The following GRID1 variants were observed in gnomAD, a reference collection of about 807,000 sequenced individuals.
GRID1 encodes the protein glutamate receptor ionotropic, delta-1.
GRID1 carries 28 observed loss-of-function variants against 98.0 expected under a neutral mutation model. The ratio of observed to expected loss-of-function variants is 0.29; its 90% CI spans 0.21 to 0.39. GRID1 has a LOEUF of 0.39. GRID1 is among the 10% of genes least tolerant of loss of function. The pLI, the probability that GRID1 is intolerant of heterozygous loss-of-function variation, is 1.00. For missense variants in GRID1, 1,111 were observed against 1,340.5 expected (o/e 0.83, Z 2.67); for synonymous variants, 553 against 538.5 (o/e 1.03, Z -0.37).
At position 85,727,952 on chromosome 10, in the gene GRID1, C is replaced by T. The variant is rs1363163817; in HGVS notation, c.1436G>A (p.Gly479Asp). ...DVLDALAKALGFKYEIYQAPD... is the reference protein window; with the variant it reads ...DVLDALAKALDFKYEIYQAPD... ...GGCTTGGTAAATCTCATATTTAAAG[C>T]CCAGAGCCTTGGCCAGTGCATCCAG... Residue 479 changes from glycine (G) to aspartate (D), a missense_variant, in exon 10 of 16, where the codon GGC becomes GAC. Gly to Asp is a moderately conservative substitution (Grantham distance 94, BLOSUM62 -1). Transcript: ENST00000327946. 6.2e-6 allele frequency: 10 copies of T among 1,613,676 alleles called. No homozygotes were observed. The highest frequency in any genetic ancestry group is 8.5e-6 in the Non-Finnish European group (10 of 1,179,738).
chr10:86,335,114 C>T (rs1290514291), intron 2 of GRID1, among the ~76,000 whole-genome samples: 3 of 152,244 alleles, frequency 2.0e-5, no homozygotes, highest in Non-Finnish European at 2.9e-5. Flanking sequence ...CTCACTTAGA[C>T]TTTCATTGCT....
intron 2 of GRID1, among the ~76,000 whole-genome samples, chr10:86,325,680 A>G (rs989398496): frequency 2.0e-5 from 3 of 152,226 alleles, no homozygotes; most frequent in African/African-American, 7.2e-5. Flanking sequence ...GAAATTTCAA[A>G]CTATTCAGAA....
chr10:86,191,144 C>G (rs1033898139), intron 3 of GRID1, among the ~76,000 whole-genome samples: 2 of 152,190 alleles, frequency 1.3e-5, no homozygotes, highest in Non-Finnish European at 2.9e-5. Flanking sequence ...GCTTTTCACC[C>G]TGGAGGAGCT....
Position 86,192,053 on chromosome 10 carries a change from AG to A in GRID1, c.520+14310del, listed in dbSNP as rs1018557186. Among the ~76,000 whole-genome samples, 33 of 152,278 alleles carry A rather than the reference AG, an allele frequency of 2.2e-4. No homozygotes were observed. The highest frequency in any genetic ancestry group is 7.9e-4 in the African/African-American group (33 of 41,550). Reference sequence around the variant, plus strand: ...GGGGGAGACATTCAGGGGTCTAAGCAGGGCAGTGAGTTAAGGAAGGTGACTT... The same window carrying A: ...GGGGGAGACATTCAGGGGTCTAAGCAGGCAGTGAGTTAAGGAAGGTGACTT... On this transcript the variant is annotated intron_variant, in intron 3 of 15. Transcript: ENST00000327946. The surrounding 1 kb of genome is among the most constrained non-coding windows in gnomAD (Gnocchi z 4.8).
chr10:85,800,458 C>G (rs1842565684), intron 8 of GRID1, among the ~76,000 whole-genome samples: 1 of 151,950 alleles, frequency 6.6e-6, no homozygotes, highest in African/African-American at 2.4e-5. Context: ...TTGTAAATAA[C>G]TCCAAGATCA....
chr10:85,884,565 A>G (rs1841084908), intron 5 of GRID1, among the ~76,000 whole-genome samples: 1 of 152,200 alleles, frequency 6.6e-6, no homozygotes, highest in Admixed American at 6.5e-5. Context: ...GAATGTAAAC[A>G]TTCTGCAGCT....
intron 4 of GRID1, among the ~76,000 whole-genome samples, chr10:85,934,025 G>A (rs569174303): frequency 6.6e-6 from 1 of 152,240 alleles, no homozygotes; most frequent in African/African-American, 2.4e-5. Flanking sequence ...CCTCAGTGAG[G>A]GTGAATTTGC....
intron 4 of GRID1, among the ~76,000 whole-genome samples, chr10:85,961,134 T>A (rs1211591193): frequency 1.3e-5 from 2 of 151,760 alleles, no homozygotes; most frequent in Non-Finnish European, 2.9e-5. Context: ...CAGAACAGAG[T>A]GATAATAACA....
chr10:85,807,822 G>C (rs1436451664), intron 8 of GRID1, among the ~76,000 whole-genome samples: 2 of 152,086 alleles, frequency 1.3e-5, no homozygotes, highest in Non-Finnish European at 2.9e-5. Flanking sequence ...GATATTATAA[G>C]TTGATTTTTT....
chr10:85,894,783 A>C (rs1264853057), intron 5 of GRID1, among the ~76,000 whole-genome samples: 2 of 151,894 alleles, frequency 1.3e-5, no homozygotes, highest in African/African-American at 4.8e-5. Context: ...CAAAATAGGC[A>C]GATCACTTGA....
At chr10:85,859,004 T>C in intron 6 of GRID1, among the ~76,000 whole-genome samples, 1 of 152,198 alleles carries the variant, frequency 6.6e-6, no homozygotes, top group East Asian at 1.9e-4. Flanking sequence ...CCCACAAGTA[T>C]GTCTGCTTGG....
At chr10:85,984,114 T>C (rs187746726) in intron 4 of GRID1, among the ~76,000 whole-genome samples, 145 of 152,032 alleles carry the variant, frequency 9.5e-4, no homozygotes, top group East Asian at 2.1e-3. Context: ...AGCAGCCTCC[T>C]CACCTCTCCC....
rs1338913695 is a variant in GRID1, at chr10:85,833,640, A to G, written c.1233+20856T>C. Among the ~76,000 whole-genome samples the G allele has an allele frequency of 3.9e-5, 6 of 152,192 alleles. No homozygotes were observed. The South Asian group carries it at 8.3e-4, about 21-fold the overall frequency. On this transcript the variant is annotated intron_variant, in intron 8 of 15. Coordinates refer to ENST00000327946, the MANE Select transcript of GRID1 (RefSeq NM_017551.3). ...CAACTTGAATAAGAAAAAATGATCA[A>G]CTGATGCTAAGACCAGGATGGATCA...
At chr10:85,772,591 A>G (rs916618013) in intron 8 of GRID1, among the ~76,000 whole-genome samples, 7 of 152,354 alleles carry the variant, frequency 4.6e-5, no homozygotes, top group Non-Finnish European at 8.8e-5. Context: ...CTAATAAAGA[A>G]GAAAAGAGAG....
At chr10:85,753,039 G>C (rs2132688489) in intron 8 of GRID1, among the ~76,000 whole-genome samples, 1 of 152,296 alleles carries the variant, frequency 6.6e-6, no homozygotes, top group African/African-American at 2.4e-5. Flanking sequence ...GCTGCTGAGA[G>C]TGTGATCCAC....
intron 8 of GRID1, among the ~76,000 whole-genome samples, chr10:85,840,800 C>A (rs977034113): frequency 1.3e-5 from 2 of 152,002 alleles, no homozygotes; most frequent in Non-Finnish European, 2.9e-5. Context: ...AAGATCTCTA[C>A]AAAGAGAACT....
At chr10:85,662,200 T>C (rs541663980) in intron 12 of GRID1, among the ~76,000 whole-genome samples, 1 of 152,314 alleles carries the variant, frequency 6.6e-6, no homozygotes, top group African/African-American at 2.4e-5. Context: ...GACACACATC[T>C]CACTGCCTCA....
chr10:85,646,747 C>G (rs998937737), intron 13 of GRID1: 3 of 197,756 alleles, frequency 1.5e-5, no homozygotes, highest in African/African-American at 6.8e-5. Flanking sequence ...TCCAGGCCAC[C>G]TGGCTGACCC....
At chr10:85,786,809 C>A (rs150320727) in intron 8 of GRID1, among the ~76,000 whole-genome samples, 1 of 152,200 alleles carries the variant, frequency 6.6e-6, no homozygotes, top group South Asian at 2.1e-4. Flanking sequence ...GAACCTGCTG[C>A]GAGTGTTGGG....
Sources: gnomAD v4.1 joint callset for allele counts (sites outside exome capture counted in the v4.1 genomes callset) on GRCh38, gnomAD v4.1.1 for gene constraint, Gnocchi (gnomAD v3.1) non-coding constraint, MANE v1.5 for transcripts, NCBI Gene and HGNC (gene_info 2026-07-23, HGNC 2026-07-21) for gene names.